ATP10B: variants seen among roughly 807,000 people sequenced by gnomAD.
ATP10B encodes ATPase phospholipid transporting 10B (putative).
In ATP10B, 122 loss-of-function variants were observed where a neutral mutation model predicts 141.2. The observed-to-expected ratio is 0.86, with a 90% confidence interval of 0.75 to 1.00. The LOEUF is 1.00. ATP10B is among the 50% of genes least tolerant of loss of function. The pLI is 0.00. For missense variants in ATP10B, 1,876 were observed against 1,825.3 expected (o/e 1.03, Z -0.51); for synonymous variants, 685 against 692.0 (o/e 0.99, Z 0.16).
At chr5:160,881,993 TA>T in the ATP10B span, among the ~76,000 whole-genome samples, 1 of 152,110 alleles carries the variant, frequency 6.6e-6, no homozygotes, top group Non-Finnish European at 1.5e-5. Context: ...TGCATATTAC[TA>T]AGTTAAAGAA....
At chr5:160,668,567 A>G (rs189405267) in intron 7 of ATP10B, among the ~76,000 whole-genome samples, 4 of 152,304 alleles carry the variant, frequency 2.6e-5, no homozygotes, top group Admixed American at 2.6e-4. Flanking sequence ...ATGCGGCTGT[A>G]ATAAGCAAAG....
chr5:160,844,584 C>T (rs202182548), intron 1 of ATP10B, among the ~76,000 whole-genome samples: 7 of 150,728 alleles, frequency 4.6e-5, no homozygotes, highest in South Asian at 2.1e-4. Context: ...GTTGGTCTGT[C>T]GCCTAGGCTG....
intron 1 of ATP10B, among the ~76,000 whole-genome samples, chr5:160,847,881 T>C (rs1776223590): frequency 6.6e-6 from 1 of 152,186 alleles, no homozygotes; most frequent in Non-Finnish European, 1.5e-5. Flanking sequence ...TTGCTTTAAG[T>C]TTGACAGATG....
intron 1 of ATP10B, among the ~76,000 whole-genome samples, chr5:160,822,768 C>G (rs1028384074): frequency 6.6e-6 from 1 of 151,492 alleles, no homozygotes; most frequent in Non-Finnish European, 1.5e-5. Flanking sequence ...CATAGAAAGA[C>G]AAACTTCACA....
At chr5:160,607,137 T>A in intron 18 of ATP10B, 51 bp from the exon 19 acceptor site, 1 of 1,473,168 alleles carries the variant, frequency 6.8e-7, no homozygotes, top group South Asian at 1.3e-5. Context: ...TGGAAATGCA[T>A]GTTAACAATT....
chr5:160,658,425 C>T (rs1020504839), intron 7 of ATP10B, among the ~76,000 whole-genome samples: 8 of 152,170 alleles, frequency 5.3e-5, no homozygotes, highest in African/African-American at 1.9e-4. Flanking sequence ...GGATGAACGA[C>T]CATGGTCACA....
chr5:160,593,308 G>C (rs977031288), intron 22 of ATP10B, among the ~76,000 whole-genome samples: 2 of 152,124 alleles, frequency 1.3e-5, no homozygotes, highest in African/African-American at 4.8e-5. Flanking sequence ...AGGCAAACAG[G>C]GTCTGGATTG....
At chr5:160,857,403 C>T in the ATP10B span, among the ~76,000 whole-genome samples, 10 of 151,318 alleles carry the variant, frequency 6.6e-5, no homozygotes, top group South Asian at 4.2e-4. Flanking sequence ...TTTTTGATAT[C>T]GGTAATTTTT....
At chr5:160,860,629 G>T in the ATP10B span, among the ~76,000 whole-genome samples, 1 of 151,966 alleles carries the variant, frequency 6.6e-6, no homozygotes, top group South Asian at 2.1e-4. Context: ...AAAAACATCA[G>T]CAACTGCAGG....
chr5:160,651,347 T>C (rs545564527), intron 7 of ATP10B, among the ~76,000 whole-genome samples: 1 of 152,254 alleles, frequency 6.6e-6, no homozygotes, highest in African/African-American at 2.4e-5. Flanking sequence ...CAAACTCTTT[T>C]AGTCCAATGG....
intron 22 of ATP10B, among the ~76,000 whole-genome samples, chr5:160,597,255 T>C (rs1756769635): frequency 6.6e-6 from 1 of 152,222 alleles, no homozygotes; most frequent in African/African-American, 2.4e-5. Flanking sequence ...TCTACAACTA[T>C]CTGATCTTTG....
the ATP10B span, among the ~76,000 whole-genome samples, chr5:160,867,977 TA>T: frequency 6.6e-6 from 1 of 152,134 alleles, no homozygotes; most frequent in Non-Finnish European, 1.5e-5. Flanking sequence ...TGTGCCTATC[TA>T]AATCACATGA....
chr5:160,623,054 C>T (rs1758438755), intron 13 of ATP10B, among the ~76,000 whole-genome samples: 1 of 152,162 alleles, frequency 6.6e-6, no homozygotes. Flanking sequence ...TAGATTCTTT[C>T]ACAGTTTGCA....
chr5:160,608,187 TTC>T (rs1237608154), intron 18 of ATP10B, among the ~76,000 whole-genome samples: 2 of 152,228 alleles, frequency 1.3e-5, no homozygotes, highest in South Asian at 4.1e-4. Context: ...ATGTTTGGTT[TTC>T]TGTCCTTGTG....
chr5:160,817,037 G>A (rs1773688402), intron 1 of ATP10B, among the ~76,000 whole-genome samples: 2 of 152,162 alleles, frequency 1.3e-5, no homozygotes, highest in Non-Finnish European at 2.9e-5. Context: ...CAAACCCACA[G>A]CCAATATCAT....
At chr5:160,678,573 C>A (rs1763182618) in intron 6 of ATP10B, among the ~76,000 whole-genome samples, 1 of 152,138 alleles carries the variant, frequency 6.6e-6, no homozygotes, top group African/African-American at 2.4e-5. Context: ...GCAGGAGAAT[C>A]CCCAGCCCGG....
the ATP10B span, among the ~76,000 whole-genome samples, chr5:160,889,344 A>T: frequency 1.3e-5 from 2 of 152,160 alleles, no homozygotes; most frequent in African/African-American, 4.8e-5. Context: ...TCAAGGTAAG[A>T]CCTGCTTCTT....
At chr5:160,697,804 T>C (rs1223453924) in intron 3 of ATP10B, among the ~76,000 whole-genome samples, 1 of 152,192 alleles carries the variant, frequency 6.6e-6, no homozygotes, top group Non-Finnish European at 1.5e-5. Context: ...GTCTGTTCCA[T>C]AACTCAAGCA....
At chr5:160,803,784 T>C (rs1298894855) in intron 1 of ATP10B, among the ~76,000 whole-genome samples, 1 of 152,222 alleles carries the variant, frequency 6.6e-6, no homozygotes, top group Non-Finnish European at 1.5e-5. Context: ...CCTTAATTAA[T>C]ACTGAGAAAG....
Sources: gnomAD v4.1 joint callset for allele counts (sites outside exome capture counted in the v4.1 genomes callset) on GRCh38, gnomAD v4.1.1 for gene constraint, MANE v1.5 for transcripts, NCBI Gene and HGNC (gene_info 2026-07-23, HGNC 2026-07-21) for gene names.